The following MYO7B variants were observed in gnomAD, a reference collection of about 807,000 sequenced individuals.
The protein encoded by MYO7B is myosin VIIB, also known as unconventional myosin-VIIb.
Under a neutral mutation model 259.7 loss-of-function variants are expected in MYO7B, and 212 were observed. That is an observed-to-expected ratio of 0.82 (90% CI 0.73 to 0.91). MYO7B has a LOEUF of 0.91. Ranked by LOEUF, MYO7B falls within the 40% of genes least tolerant of loss-of-function variation. The probability of loss-of-function intolerance (pLI) is 0.00; values close to 1 mark genes in which losing one functional copy is unlikely to be tolerated. For missense variants in MYO7B, 2,732 were observed against 2,813.5 expected, an observed-to-expected ratio of 0.97 and a Z score of 0.66; for synonymous variants, 1,197 against 1,166.4, an observed-to-expected ratio of 1.03 and a Z score of -0.54.
chr2:127,620,291 C>G, intron 26 of MYO7B, 49 bp from the exon 27 acceptor site: 1 of 1,566,456 alleles, frequency 6.4e-7, no homozygotes, highest in Non-Finnish European at 8.7e-7. Context: ...CCTGTCTCCT[C>G]TCCTCCTCCA....
rs201492326 is a variant in MYO7B, at chr2:127,635,956, G to A, written c.6006+49G>A. 2.4e-5 allele frequency: 37 copies of A among 1,535,022 alleles called. No individual in the cohort carries two copies. The East Asian group carries it at 9.1e-4, about 38-fold the overall frequency. ...GTTCTTGTGCTGCTGCTCCTCCCTGGGCCCCTGCACCAGTGCCATGCCCTG... is the reference window on the plus strand; with the variant it reads ...GTTCTTGTGCTGCTGCTCCTCCCTGAGCCCCTGCACCAGTGCCATGCCCTG... On this transcript the variant is annotated intron_variant, in intron 44 of 47. Coordinates refer to ENST00000409816, the MANE Select transcript of MYO7B (RefSeq NM_001393586.1).
intron 1 of MYO7B, among the ~76,000 whole-genome samples, chr2:127,538,273 G>C (rs1199922111): frequency 6.6e-6 from 1 of 152,042 alleles, no homozygotes; most frequent in Admixed American, 6.5e-5. Flanking sequence ...GGTTGAGGGG[G>C]GTGGTAAGAT....
chr2:127,635,203 G>A lies in MYO7B; in HGVS notation c.5797G>A (p.Asp1933Asn), dbSNP rs1681736142. 1 of 1,613,438 alleles carries A rather than the reference G, an allele frequency of 6.2e-7. No individual in the cohort carries two copies. Among genetic ancestry groups the A allele is most frequent in the Non-Finnish European group, 8.5e-7 (1 of 1,179,736 alleles). ...NISPGKDVNA[D>N]TILHYHQELP... The stretch of plus-strand genomic sequence containing the variant: ...ATCTCCAGGGAAGGATGTGAATGCA[G>A]ACACCATACTCCATTACCACCAGGT... Residue 1933 changes from aspartate to asparagine, a missense_variant, in exon 43 of 48, where the codon GAC becomes AAC. Coordinates refer to ENST00000409816, the MANE Select transcript of MYO7B (RefSeq NM_001393586.1).
intron 27 of MYO7B, among the ~76,000 whole-genome samples, chr2:127,621,461 A>G (rs1028136305): frequency 2.0e-5 from 3 of 152,152 alleles, no homozygotes; most frequent in Non-Finnish European, 2.9e-5. Context: ...GGGTTTCACC[A>G]TGTTGGCCAG....
intron 28 of MYO7B, among the ~76,000 whole-genome samples, chr2:127,622,476 A>G (rs1680889216): frequency 6.6e-6 from 1 of 152,190 alleles, no homozygotes; most frequent in Non-Finnish European, 1.5e-5. Context: ...TATTGGGCAC[A>G]TGTGCCACCT....
At position 127,628,219 on chromosome 2, in the gene MYO7B, A is replaced by T. The variant is rs763673058; in HGVS notation, c.4461-153A>T. The T allele has an allele frequency of 8.9e-6, 8 of 902,160 alleles. No homozygotes were observed. The highest frequency in any genetic ancestry group is 1.2e-5 in the Non-Finnish European group (7 of 569,284). The allele number at this position is 902,160 out of a possible 1,614,324, so 55.9% of individuals were successfully genotyped here. On this transcript the variant is annotated intron_variant, in intron 33 of 47. Transcript: ENST00000409816. This position sits in a 1 kb window ranked among gnomAD's most constrained non-coding sequence, Gnocchi z 4.8. Reference sequence around the variant, plus strand: ...CGCCGTCCTTCATTTGTCCAGACCCACAGTGGTGTCTGGCCTAGTCCTGGC... The same window carrying T: ...CGCCGTCCTTCATTTGTCCAGACCCTCAGTGGTGTCTGGCCTAGTCCTGGC...
At position 127,628,014 on chromosome 2, in the gene MYO7B, T is replaced by G. The variant is rs1681242808; in HGVS notation, c.4461-358T>G. 4.1e-6 allele frequency: 2 copies of G among 492,496 alleles called. No homozygotes were observed. Among genetic ancestry groups the G allele is most frequent in the Non-Finnish European group, 8.0e-6 (2 of 250,946 alleles). 30.5% of individuals were successfully genotyped at this position (492,496 alleles called of 1,614,324 possible). A position where few individuals can be genotyped will look rare whatever the true frequency, so the allele number is the denominator to read the frequency against. On this transcript the variant is annotated intron_variant, in intron 33 of 47. Coordinates refer to ENST00000409816, the MANE Select transcript of MYO7B (RefSeq NM_001393586.1). The surrounding 1 kb of genome is among the most constrained non-coding windows in gnomAD (Gnocchi z 4.8). The stretch of plus-strand genomic sequence containing the variant: ...TCTGCAGATGAGCGGATGAGTAAAC[T>G]GAAGCACGCCGAGGTTAGGTGGCTC...
chr2:127,602,940 C>T (rs1412634747), intron 19 of MYO7B, among the ~76,000 whole-genome samples: 10 of 150,660 alleles, frequency 6.6e-5, no homozygotes, highest in Non-Finnish European at 1.5e-4. Flanking sequence ...GTGAAGGTTA[C>T]AGTAAGCCGA....
intron 1 of MYO7B, among the ~76,000 whole-genome samples, chr2:127,537,373 G>A (rs1371687045): frequency 1.3e-5 from 2 of 152,150 alleles, no homozygotes; most frequent in Non-Finnish European, 2.9e-5. Flanking sequence ...TTTTGGTCTG[G>A]TCTGTTGGCC....
chr2:127,630,914 C>T lies in MYO7B; in HGVS notation c.4937+6C>T, dbSNP rs1681454056. 6.4e-7 allele frequency: 1 copy of T among 1,562,694 alleles called. No homozygotes were observed. Among genetic ancestry groups the T allele is most frequent in the Non-Finnish European group, 8.7e-7 (1 of 1,153,606 alleles). ...TTCTCCTATGAGTTCTTCAGGTGCC[C>T]CCCAGCCCCGCTCCGCCTCATTGCA... is the stretch of plus-strand genomic sequence containing the variant. On this transcript the variant is annotated splice_donor_region_variant and intron_variant, in intron 36 of 47. Transcript: ENST00000409816.
rs1184591077 is a variant in MYO7B, at chr2:127,636,150, C to G, written c.6007-58C>G. On this transcript the variant is annotated intron_variant, in intron 44 of 47. Transcript: ENST00000409816. This position sits in a 1 kb window ranked among gnomAD's most constrained non-coding sequence, Gnocchi z 4.5. The stretch of plus-strand genomic sequence containing the variant: ...CTGGGGTAGGCAGGTGCTGCCCCCA[C>G]CAGGGCTTTGGAGGGCCTCTGGGCA... 1 of 1,428,434 alleles carries G rather than the reference C, an allele frequency of 7.0e-7. No individual in the cohort carries two copies. Among genetic ancestry groups the G allele is most frequent in the Non-Finnish European group, 9.8e-7 (1 of 1,021,808 alleles). 88.5% of individuals were successfully genotyped at this position (1,428,434 alleles called of 1,614,324 possible).
In MYO7B at chr2:127,608,700, G is replaced by A; in HGVS notation, c.2644-8G>A. On this transcript the variant is annotated splice_polypyrimidine_tract_variant and splice_region_variant and intron_variant, in intron 21 of 47. Transcript: ENST00000409816. ...CCCCTGGGTAACCTTCCTCCACGGGGTATGCAGGCGCCGCTGGTCATCCCG... is the reference window on the plus strand; with the variant it reads ...CCCCTGGGTAACCTTCCTCCACGGGATATGCAGGCGCCGCTGGTCATCCCG... The A allele has an allele frequency of 1.2e-6, 2 of 1,608,942 alleles. No individual in the cohort carries two copies. The highest frequency in any genetic ancestry group is 2.2e-5 in the East Asian group (1 of 44,752).
rs755010716 is a variant in MYO7B at position 127,627,058 on chromosome 2, C to T, written c.4299C>T (p.Leu1433=). Residue 1433 remains leucine (L), a synonymous_variant, in exon 32 of 48, where the codon CTC becomes CTT. Transcript: ENST00000409816. This position sits in a 1 kb window ranked among gnomAD's most constrained non-coding sequence, Gnocchi z 5.6. Reference sequence around the variant, plus strand: ...CCGCCCGCCTGCAGTGGCCGCTGCTCTTCTCCCGGCTCTTCGAAGTCATCA... The same window carrying T: ...CCGCCCGCCTGCAGTGGCCGCTGCTTTTCTCCCGGCTCTTCGAAGTCATCA... ...VDAARLQWPL[L]FSRLFEVITL... 11 of 1,611,898 alleles carry T rather than the reference C, an allele frequency of 6.8e-6. No homozygotes were observed. The Admixed American group carries it at 1.8e-4, about 27-fold the overall frequency.
At chr2:127,562,375 C>T (rs1451633964) in intron 2 of MYO7B, among the ~76,000 whole-genome samples, 1 of 152,062 alleles carries the variant, frequency 6.6e-6, no homozygotes, top group Non-Finnish European at 1.5e-5. Context: ...CAATTCACTG[C>T]AACCTCCACC....
chr2:127,553,514 C>A (rs1693531136), intron 1 of MYO7B, among the ~76,000 whole-genome samples: 1 of 152,098 alleles, frequency 6.6e-6, no homozygotes, highest in Non-Finnish European at 1.5e-5. Flanking sequence ...TATTTTTTTG[C>A]AGCTATTGTA....
intron 18 of MYO7B, among the ~76,000 whole-genome samples, chr2:127,593,879 G>A (rs951591888): frequency 3.9e-5 from 6 of 152,146 alleles, no homozygotes; most frequent in South Asian, 2.1e-4. Flanking sequence ...GGAAGCCCAG[G>A]AGGCTTCTCA....
intron 19 of MYO7B, among the ~76,000 whole-genome samples, chr2:127,600,691 C>T (rs1239965783): frequency 1.3e-5 from 2 of 152,184 alleles, no homozygotes; most frequent in Non-Finnish European, 2.9e-5. Context: ...GCCTGGGCAA[C>T]AAGAGTAAGA....
At position 127,576,586 on chromosome 2, in the gene MYO7B, C is replaced by A; in HGVS notation, c.736-9C>A. On this transcript the variant is annotated splice_polypyrimidine_tract_variant and intron_variant, in intron 7 of 47. Transcript: ENST00000409816. This position sits in a 1 kb window ranked among gnomAD's most constrained non-coding sequence, Gnocchi z 4.9. The stretch of plus-strand genomic sequence containing the variant: ...TGAATCTGTCTGGAATGCCCTCCCT[C>A]CCTCCCAGGCTCCCGAGGAGCGGAA... The A allele has an allele frequency of 5.3e-6, 8 of 1,514,860 alleles. No individual in the cohort carries two copies. Among genetic ancestry groups the A allele is most frequent in the South Asian group, 1.2e-5 (1 of 86,672 alleles). 93.8% of individuals were successfully genotyped at this position (1,514,860 alleles called of 1,614,324 possible). A position where few individuals can be genotyped will look rare whatever the true frequency, so the allele number is the denominator to read the frequency against.
chr2:127,625,606 C>T, intron 31 of MYO7B, 71 bp downstream of exon 31: 1 of 1,421,498 alleles, frequency 7.0e-7, no homozygotes, highest in Non-Finnish European at 9.2e-7. Context: ...TCATGGTATA[C>T]AGAGGAGATG....
Sources: gnomAD v4.1 joint callset for allele counts (sites outside exome capture counted in the v4.1 genomes callset) on GRCh38, gnomAD v4.1.1 for gene constraint, Gnocchi (gnomAD v3.1) non-coding constraint, MANE v1.5 for transcripts, NCBI Gene and HGNC (gene_info 2026-07-23, HGNC 2026-07-21) for gene names.